Variants in KIAA0040 observed in about 807,000 individuals in gnomAD.
KIAA0040 encodes the protein KIAA0040.
Under a neutral mutation model 7.2 loss-of-function variants are expected in KIAA0040, and 10 were observed. The ratio of observed to expected loss-of-function variants is 1.38; its 90% CI spans 0.85 to 2.34. KIAA0040 has a LOEUF of 2.34. Ranked by LOEUF, KIAA0040 falls within the 30% of genes most tolerant of loss-of-function variation. The probability of loss-of-function intolerance (pLI) is 0.00; values close to 1 mark genes in which losing one functional copy is unlikely to be tolerated. For missense variants in KIAA0040, 89 were observed against 108.2 expected, an observed-to-expected ratio of 0.82 and a Z score of 0.79; for synonymous variants, 49 against 40.1, an observed-to-expected ratio of 1.22 and a Z score of -0.84.
chr1:175,175,196 C>T (rs1677138839), intron 2 of KIAA0040, among the ~76,000 whole-genome samples: 1 of 152,238 alleles, frequency 6.6e-6, no homozygotes, highest in Non-Finnish European at 1.5e-5. Flanking sequence ...CGACCAAACA[C>T]TTGTGTCATT....
rs146871030 is a variant in KIAA0040, at chr1:175,162,555, T to C, written c.-133-1409A>G. Among the ~76,000 whole-genome samples, 1,382 of 152,332 alleles carry C rather than the reference T, an allele frequency of 9.1e-3. 24 individuals are homozygous for C. Among genetic ancestry groups the C allele is most frequent in the African/African-American group, 0.031 (1,297 of 41,574 alleles). ...TCATTTTCATCTGCATTTAATCTTT[T>C]GAGTGAGCTGTGTCTACGGATGGGA... is the stretch of plus-strand genomic sequence containing the variant. On this transcript the variant is annotated intron_variant, in intron 3 of 3. Transcript: ENST00000423313.
In KIAA0040 at chr1:175,161,016, T is replaced by C; in HGVS notation, c.-3A>G. The C allele has an allele frequency of 6.5e-7, 1 of 1,547,610 alleles. No homozygotes were observed. Among genetic ancestry groups the C allele is most frequent in the African/African-American group, 1.4e-5 (1 of 73,038 alleles). ...AAGAAGGCACTGATTCTCTCCATGG[T>C]GCTTGGCTAGATTAGGGCCAGAGAA... On this transcript the variant is annotated 5_prime_UTR_variant, in exon 4 of 4. Coordinates refer to ENST00000423313, the MANE Select transcript of KIAA0040 (RefSeq NM_014656.3).
chr1:175,172,519 C>T (rs1571199689), intron 2 of KIAA0040, among the ~76,000 whole-genome samples: 1 of 152,206 alleles, frequency 6.6e-6, no homozygotes, highest in African/African-American at 2.4e-5. Context: ...TTTGAGGTTA[C>T]AGTGACTGCA....
chr1:175,175,352 C>G (rs561966683), intron 2 of KIAA0040, among the ~76,000 whole-genome samples: 6 of 151,314 alleles, frequency 4.0e-5, no homozygotes, highest in South Asian at 4.2e-4. Context: ...GTTAGAATGG[C>G]AATCATTAAA....
chr1:175,167,534 G>A (rs1433797165), intron 2 of KIAA0040, among the ~76,000 whole-genome samples: 1 of 152,212 alleles, frequency 6.6e-6, no homozygotes, highest in Non-Finnish European at 1.5e-5. Flanking sequence ...GACCTTGTAA[G>A]CCACGTGGAG....
intron 3 of KIAA0040, among the ~76,000 whole-genome samples, chr1:175,163,203 T>C (rs1558388882): frequency 1.3e-5 from 2 of 152,250 alleles, no homozygotes; most frequent in Admixed American, 1.3e-4. Flanking sequence ...GCCCAGGATT[T>C]ACAGAATCTT....
At chr1:175,165,513 C>T (rs371508804) in intron 3 of KIAA0040, among the ~76,000 whole-genome samples, 10 of 152,346 alleles carry the variant, frequency 6.6e-5, no homozygotes, top group East Asian at 1.9e-4. Context: ...TGGGTCCCCA[C>T]CGCATTGAAA....
At chr1:175,163,791 A>G (rs1676644562) in intron 3 of KIAA0040, among the ~76,000 whole-genome samples, 1 of 152,126 alleles carries the variant, frequency 6.6e-6, no homozygotes, top group South Asian at 2.1e-4. Context: ...TTCACCAACT[A>G]TTTTGTGCCA....
At chr1:175,168,121 C>T (rs546870233) in intron 2 of KIAA0040, among the ~76,000 whole-genome samples, 20 of 152,300 alleles carry the variant, frequency 1.3e-4, no homozygotes, top group African/African-American at 4.8e-4. Flanking sequence ...AGTGGAACCT[C>T]AGTCAGTAGT....
intron 1 of KIAA0040, among the ~76,000 whole-genome samples, chr1:175,188,780 A>G (rs1204463763): frequency 6.6e-6 from 1 of 152,228 alleles, no homozygotes; most frequent in African/African-American, 2.4e-5. Context: ...TTAAAAGTTG[A>G]GAACTACCTG....
intron 1 of KIAA0040, among the ~76,000 whole-genome samples, chr1:175,184,862 C>T (rs1027559035): frequency 2.0e-5 from 3 of 152,208 alleles, no homozygotes; most frequent in Non-Finnish European, 2.9e-5. Context: ...TTTTATAACA[C>T]TGTGTTATAA....
At chr1:175,172,617 G>A (rs776263611) in intron 2 of KIAA0040, among the ~76,000 whole-genome samples, 4 of 152,202 alleles carry the variant, frequency 2.6e-5, no homozygotes, top group Non-Finnish European at 5.9e-5. Context: ...CACTAACATG[G>A]TGTGGGGTTT....
chr1:175,191,513 T>G (rs1677865280), intron 1 of KIAA0040, among the ~76,000 whole-genome samples: 1 of 152,222 alleles, frequency 6.6e-6, no homozygotes, highest in African/African-American at 2.4e-5. Context: ...CAGCACTGGG[T>G]GAAGGGCAGG....
At chr1:175,173,744 T>C (rs1677076095) in intron 2 of KIAA0040, among the ~76,000 whole-genome samples, 2 of 152,184 alleles carry the variant, frequency 1.3e-5, no homozygotes, top group Non-Finnish European at 2.9e-5. Context: ...CTCAAGGAGC[T>C]CATGTTTTAA....
intron 3 of KIAA0040, 68 bp from the exon 4 acceptor site, chr1:175,161,214 A>G (rs1676530016): frequency 2.0e-6 from 1 of 505,054 alleles, no homozygotes; most frequent in East Asian, 3.4e-5. Flanking sequence ...TAATAGTGTC[A>G]TAGATTTTAG....
chr1:175,189,330 C>T (rs918708567), intron 1 of KIAA0040, among the ~76,000 whole-genome samples: 15 of 152,154 alleles, frequency 9.9e-5, no homozygotes, highest in Non-Finnish European at 1.6e-4. Flanking sequence ...TAAACCAGCA[C>T]CTTGGTGAGA....
intron 2 of KIAA0040, among the ~76,000 whole-genome samples, chr1:175,171,047 G>A (rs540373598): frequency 6.6e-6 from 1 of 152,318 alleles, no homozygotes; most frequent in African/African-American, 2.4e-5. Context: ...GACCCTATTT[G>A]TCCCTTTGCC....
chr1:175,173,356 C>G (rs1677059606), intron 2 of KIAA0040, among the ~76,000 whole-genome samples: 1 of 152,200 alleles, frequency 6.6e-6, no homozygotes, highest in South Asian at 2.1e-4. Context: ...AAAAAGCCAT[C>G]ATTTGCTGAG....
chr1:175,170,874 GTATGA>G (rs1233701421), intron 2 of KIAA0040, among the ~76,000 whole-genome samples: 1 of 898 alleles, frequency 1.1e-3, no homozygotes, highest in Non-Finnish European at 2.5e-3. Context: ...GTCACTAGAA[GTATGA>G]CATCTAAACT....
Sources: gnomAD v4.1 joint callset for allele counts (sites outside exome capture counted in the v4.1 genomes callset) on GRCh38, gnomAD v4.1.1 for gene constraint, MANE v1.5 for transcripts, NCBI Gene and HGNC (gene_info 2026-07-23, HGNC 2026-07-21) for gene names.